The following OTUD7A variants were observed in gnomAD, a reference collection of about 807,000 sequenced individuals.
The protein encoded by OTUD7A is OTU deubiquitinase 7A, also known as OTU domain-containing protein 7A.
A neutral mutation model predicts 65.7 loss-of-function variants in OTUD7A; 12 were observed. The ratio of observed to expected loss-of-function variants is 0.18; its 90% confidence interval spans 0.12 to 0.30. The LOEUF (loss-of-function observed/expected upper bound fraction) is 0.30, where lower values mean the gene tolerates loss of function less well. Ranked by LOEUF, OTUD7A falls within the 10% of genes least tolerant of loss-of-function variation. OTUD7A has a pLI of 1.00. For synonymous variants in OTUD7A, 641 were observed against 586.3 expected (o/e 1.09, Z -1.35); for missense variants, 1,148 against 1,304.8 (o/e 0.88, Z 1.85).
chr15:31,647,116 T>C (rs957070779), intron 3 of OTUD7A, among the ~76,000 whole-genome samples: 2 of 152,208 alleles, frequency 1.3e-5, no homozygotes, highest in Non-Finnish European at 2.9e-5. Flanking sequence ...ACGGGACACT[T>C]GGAAGGGCAG....
At chr15:31,656,700 T>C (rs1478311528) in intron 2 of OTUD7A, among the ~76,000 whole-genome samples, 1 of 152,078 alleles carries the variant, frequency 6.6e-6, no homozygotes, top group Non-Finnish European at 1.5e-5. Context: ...GTAGGTCCTG[T>C]GTCAGTGGCC....
intron 4 of OTUD7A, among the ~76,000 whole-genome samples, chr15:31,569,218 T>G (rs1888969872): frequency 6.6e-6 from 1 of 152,190 alleles, no homozygotes; most frequent in African/African-American, 2.4e-5. Context: ...AGCACCAGTA[T>G]GTAAGATTAG....
chr15:31,658,767 C>T (rs977355738), intron 1 of OTUD7A, among the ~76,000 whole-genome samples: 14 of 151,888 alleles, frequency 9.2e-5, no homozygotes, highest in African/African-American at 3.4e-4. Context: ...GTGGCTTACA[C>T]CTGTAATCCC....
chr15:31,631,544 G>A (rs1286635106), intron 3 of OTUD7A, among the ~76,000 whole-genome samples: 4 of 152,138 alleles, frequency 2.6e-5, no homozygotes, highest in African/African-American at 4.8e-5. Context: ...TTTCAACTTT[G>A]GTGAATCTGA....
At chr15:31,799,548 C>T (rs768310918) in intron 1 of OTUD7A, among the ~76,000 whole-genome samples, 11 of 152,144 alleles carry the variant, frequency 7.2e-5, no homozygotes, top group Non-Finnish European at 1.3e-4. Flanking sequence ...TCTCTCTCCA[C>T]GTGCATGCTT....
At chr15:31,499,041 CGAT>C (rs1202308523) in intron 10 of OTUD7A, among the ~76,000 whole-genome samples, 1 of 152,078 alleles carries the variant, frequency 6.6e-6, no homozygotes, top group African/African-American at 2.4e-5. Context: ...GAGAGGCACT[CGAT>C]GAGAAGTTTA....
At chr15:31,577,325 C>A (rs889111114) in intron 3 of OTUD7A, among the ~76,000 whole-genome samples, 1 of 152,118 alleles carries the variant, frequency 6.6e-6, no homozygotes, top group Non-Finnish European at 1.5e-5. Flanking sequence ...AAAACAAGAG[C>A]CTCGGCTTCC....
Position 31,478,347 on chromosome 15 carries a change from T to C in OTUD7A, c.*4947A>G, listed in dbSNP as rs1432553289. On this transcript the variant is annotated 3_prime_UTR_variant, in exon 13 of 13. Transcript: ENST00000307050. ...CGCCTTATGTTAAACTAACAAATTA[T>C]GTATATATATATCCTTGATATGCTC... 1 of 140,588 alleles carries C rather than the reference T, an allele frequency of 7.1e-6. No homozygotes were observed. 8.7% of individuals were successfully genotyped at this position (140,588 alleles called of 1,614,324 possible). A position where few individuals can be genotyped will look rare whatever the true frequency, so the allele number is the denominator to read the frequency against.
intron 1 of OTUD7A, among the ~76,000 whole-genome samples, chr15:31,823,194 T>A (rs1031272439): frequency 6.6e-6 from 1 of 152,162 alleles, no homozygotes; most frequent in African/African-American, 2.4e-5. Flanking sequence ...GGAGGGACTG[T>A]GATTCAAACT....
intron 1 of OTUD7A, among the ~76,000 whole-genome samples, chr15:31,815,960 T>C (rs977175752): frequency 6.6e-5 from 10 of 152,200 alleles, no homozygotes; most frequent in African/African-American, 2.4e-4. Context: ...ACTTACACCA[T>C]TCGCCATGCT....
chr15:31,815,003 C>T (rs1186795586), intron 1 of OTUD7A, among the ~76,000 whole-genome samples: 2 of 152,190 alleles, frequency 1.3e-5, no homozygotes, highest in South Asian at 4.1e-4. Flanking sequence ...CACATTGTCC[C>T]TGCCATGTTC....
chr15:31,646,147 G>A (rs1214495316), intron 3 of OTUD7A, among the ~76,000 whole-genome samples: 1 of 151,424 alleles, frequency 6.6e-6, no homozygotes, highest in Non-Finnish European at 1.5e-5. Context: ...TTCAGCTTAC[G>A]CCCACATTAC....
chr15:31,683,499 T>C (rs1433194136), intron 1 of OTUD7A, among the ~76,000 whole-genome samples: 2 of 152,188 alleles, frequency 1.3e-5, no homozygotes, highest in Admixed American at 1.3e-4. Context: ...TTATGTGTAG[T>C]CCCTGGTTCT....
At chr15:31,838,359 C>T (rs376768959) in intron 1 of OTUD7A, among the ~76,000 whole-genome samples, 3 of 152,332 alleles carry the variant, frequency 2.0e-5, no homozygotes, top group African/African-American at 7.2e-5. Flanking sequence ...GTCATCTCTA[C>T]CTCAACCACT....
At chr15:31,794,055 T>C (rs948848216) in intron 1 of OTUD7A, among the ~76,000 whole-genome samples, 1 of 152,264 alleles carries the variant, frequency 6.6e-6, no homozygotes, top group East Asian at 1.9e-4. Context: ...TTGATTAACA[T>C]TATAGTTTTA....
At chr15:31,651,929 G>T (rs1891850595) in intron 3 of OTUD7A, among the ~76,000 whole-genome samples, 1 of 146,618 alleles carries the variant, frequency 6.8e-6, no homozygotes, top group South Asian at 2.2e-4. Context: ...TACTAAAATT[G>T]TAGACAAAAT....
intron 4 of OTUD7A, among the ~76,000 whole-genome samples, chr15:31,567,899 G>T (rs1888927059): frequency 6.6e-6 from 1 of 152,266 alleles, no homozygotes; most frequent in Non-Finnish European, 1.5e-5. Context: ...CTGTAGACAT[G>T]TAGAATGCAA....
At chr15:31,568,014 A>G (rs1377557936) in intron 4 of OTUD7A, among the ~76,000 whole-genome samples, 2 of 152,242 alleles carry the variant, frequency 1.3e-5, no homozygotes, top group Non-Finnish European at 2.9e-5. Context: ...CTCACACACA[A>G]CGTCTACTAG....
At chr15:31,753,048 G>A (rs1894681259) in intron 1 of OTUD7A, among the ~76,000 whole-genome samples, 1 of 152,034 alleles carries the variant, frequency 6.6e-6, no homozygotes, top group South Asian at 2.1e-4. Context: ...GTTTCATCAG[G>A]GACATTACTA....
Sources: allele counts gnomAD v4.1 joint callset (sites outside exome capture counted in the v4.1 genomes callset), GRCh38; gene constraint gnomAD v4.1.1; transcripts MANE v1.5; gene names NCBI Gene and HGNC (gene_info 2026-07-23, HGNC 2026-07-21).